The following PLEKHG1 variants were observed in gnomAD, a reference collection of about 807,000 sequenced individuals.
PLEKHG1 encodes the protein pleckstrin homology domain-containing family G member 1.
Under a neutral mutation model 100.8 loss-of-function variants are expected in PLEKHG1, and 44 were observed. The ratio of observed to expected loss-of-function variants is 0.44; its 90% confidence interval spans 0.34 to 0.56. PLEKHG1 has a LOEUF of 0.56. Among genes scored for constraint, PLEKHG1 ranks in the 20% least tolerant of loss-of-function variants. The pLI, the probability that PLEKHG1 is intolerant of heterozygous loss-of-function variation, is 0.01. For missense variants in PLEKHG1, 1,545 were observed against 1,720.9 expected, an observed-to-expected ratio of 0.90 and a Z score of 1.81; for synonymous variants, 640 against 662.5, an observed-to-expected ratio of 0.97 and a Z score of 0.52.
At chr6:150,816,342 T>A (rs1775955934) in intron 10 of PLEKHG1, among the ~76,000 whole-genome samples, 1 of 124,414 alleles carries the variant, frequency 8.0e-6, no homozygotes, top group African/African-American at 3.2e-5. Context: ...TTTTTTTTTT[T>A]TTTTTTTTTT....
intron 1 of PLEKHG1, among the ~76,000 whole-genome samples, chr6:150,729,878 T>C (rs1782155757): frequency 6.6e-6 from 1 of 151,836 alleles, no homozygotes; most frequent in African/African-American, 2.4e-5. Context: ...GGGGTCCCTA[T>C]TGATCTGAGT....
chr6:150,609,300 G>A (rs556945110), intron 1 of PLEKHG1, among the ~76,000 whole-genome samples: 20 of 152,310 alleles, frequency 1.3e-4, no homozygotes, highest in African/African-American at 4.6e-4. Context: ...ATTACACAGG[G>A]AAATGGGGTG....
chr6:150,799,368 T>A (rs1019518117), intron 5 of PLEKHG1, among the ~76,000 whole-genome samples: 5 of 152,170 alleles, frequency 3.3e-5, no homozygotes, highest in African/African-American at 1.2e-4. Flanking sequence ...ACTATCTTCA[T>A]ACCAGTCACA....
At chr6:150,684,075 G>A (rs1399722334) in intron 3 of PLEKHG1, among the ~76,000 whole-genome samples, 2 of 152,194 alleles carry the variant, frequency 1.3e-5, no homozygotes, top group Non-Finnish European at 2.9e-5. Flanking sequence ...GCTATGCTGG[G>A]CACAAAGAAG....
chr6:150,822,979 C>CA (rs1776389813), intron 13 of PLEKHG1, among the ~76,000 whole-genome samples: 1 of 151,484 alleles, frequency 6.6e-6, no homozygotes, highest in African/African-American at 2.4e-5. Context: ...GACTCCATCT[C>CA]AAAAAAAATA....
intron 2 of PLEKHG1, among the ~76,000 whole-genome samples, chr6:150,647,832 C>T (rs1403378167): frequency 1.3e-5 from 2 of 152,048 alleles, no homozygotes; most frequent in African/African-American, 4.8e-5. Flanking sequence ...TATAGAACAG[C>T]CTCTGAGGTT....
intron 3 of PLEKHG1, chr6:150,663,555 CT>C (rs751233206): frequency 2.5e-3 from 341 of 138,258 alleles, no homozygotes; most frequent in African/African-American, 5.3e-3. Context: ...CTCTCTCTCT[CT>C]TTTTTTTTTT....
intron 1 of PLEKHG1, chr6:150,626,147 T>C (rs1356217221): frequency 4.3e-5 from 1 of 23,412 alleles, no homozygotes; most frequent in Non-Finnish European, 7.7e-5. Flanking sequence ...TAGGCCATTG[T>C]GGGGCGGGGG....
rs549379700 is a variant in PLEKHG1 at position 150,772,436 on chromosome 6, G to A, written c.512+3698G>A. On this transcript the variant is annotated intron_variant, in intron 3 of 15. Coordinates refer to ENST00000358517, the Ensembl canonical transcript of PLEKHG1. Reference sequence around the variant, plus strand: ...GGAGTTTGAGACCAGCCTGGGCAACGTGGCGAAATCCCATCTCTACAAAAA... The same window carrying A: ...GGAGTTTGAGACCAGCCTGGGCAACATGGCGAAATCCCATCTCTACAAAAA... 7.7e-4 allele frequency among the ~76,000 whole-genome samples: 117 copies of A among 152,130 alleles called. 3 individuals are homozygous for A. The highest frequency in any genetic ancestry group is 3.3e-3 in the South Asian group (16 of 4,810).
chr6:150,658,234 C>T (rs953300087), intron 3 of PLEKHG1, among the ~76,000 whole-genome samples: 3 of 152,144 alleles, frequency 2.0e-5, no homozygotes, highest in Admixed American at 6.5e-5. Flanking sequence ...AAAGCCTGTT[C>T]TAGAGGAAGG....
chr6:150,810,512 GAAA>G (rs1161807615), intron 10 of PLEKHG1, among the ~76,000 whole-genome samples: 3 of 65,450 alleles, frequency 4.6e-5, no homozygotes, highest in South Asian at 3.4e-4. Context: ...AAGAAAGAAA[GAAA>G]AAGAAAGAAA....
At chr6:150,642,615 C>T (rs1778317096) in intron 2 of PLEKHG1, among the ~76,000 whole-genome samples, 1 of 152,216 alleles carries the variant, frequency 6.6e-6, no homozygotes, top group African/African-American at 2.4e-5. Context: ...GCTGTGCCAG[C>T]CATCCCACTG....
At chr6:150,795,415 T>C (rs910933858) in intron 4 of PLEKHG1, among the ~76,000 whole-genome samples, 2 of 151,804 alleles carry the variant, frequency 1.3e-5, no homozygotes, top group Non-Finnish European at 2.9e-5. Flanking sequence ...AAAAGTAATT[T>C]TATTTTAGAT....
At chr6:150,784,554 T>C (rs1283851922) in intron 3 of PLEKHG1, among the ~76,000 whole-genome samples, 3 of 152,118 alleles carry the variant, frequency 2.0e-5, no homozygotes, top group East Asian at 1.9e-4. Context: ...ACATTGGAAA[T>C]AGCAATACAG....
intron 3 of PLEKHG1, among the ~76,000 whole-genome samples, chr6:150,667,949 T>C (rs1027062664): frequency 3.9e-5 from 6 of 152,218 alleles, no homozygotes; most frequent in African/African-American, 1.4e-4. Flanking sequence ...TTTTGTAAGA[T>C]GTGTGTATAA....
intron 1 of PLEKHG1, among the ~76,000 whole-genome samples, chr6:150,611,509 G>A (rs981140781): frequency 6.6e-6 from 1 of 152,150 alleles, no homozygotes; most frequent in Admixed American, 6.5e-5. Context: ...TAGTTGCCGT[G>A]CCTATTAGAA....
At chr6:150,730,431 G>T (rs891212097) in intron 1 of PLEKHG1, among the ~76,000 whole-genome samples, 1 of 152,112 alleles carries the variant, frequency 6.6e-6, no homozygotes, top group Non-Finnish European at 1.5e-5. Context: ...GTGCAACCTA[G>T]ATCCCTGGCA....
chr6:150,629,061 G>A (rs9480504), intron 1 of PLEKHG1, among the ~76,000 whole-genome samples: 67,728 of 151,982 alleles, frequency 0.45, 15,173 homozygotes, highest in East Asian at 0.59. Context: ...GCCTGTTTGG[G>A]TGTAAAGGGT....
At position 150,828,511 on chromosome 6, in the gene PLEKHG1, A is replaced by G. The variant is rs892047933; in HGVS notation, c.1471-2071A>G. 2.9e-5 allele frequency: 23 copies of G among 796,758 alleles called. No individual in the cohort carries two copies. In the East Asian group the frequency reaches 6.5e-4, roughly 22 times the overall value. 49.4% of individuals were successfully genotyped at this position (796,758 alleles called of 1,614,324 possible). ...TATAAATTATGTTTCAAATCTTTAC[A>G]TTTTGGAAATAATCATTGCTGGAGA... On this transcript the variant is annotated intron_variant, in intron 14 of 15. Transcript: ENST00000358517.
Sources: allele counts gnomAD v4.1 joint callset (sites outside exome capture counted in the v4.1 genomes callset), GRCh38; gene constraint gnomAD v4.1.1; transcripts MANE v1.5; gene names NCBI Gene and HGNC (gene_info 2026-07-23, HGNC 2026-07-21).